PRDM16: variants seen among roughly 807,000 people sequenced by gnomAD.
PRDM16 encodes histone-lysine N-methyltransferase PRDM16.
A neutral mutation model predicts 110.6 loss-of-function variants in PRDM16; 23 were observed. That is an observed-to-expected ratio of 0.21 (90% confidence interval 0.15 to 0.29). The LOEUF is 0.29. Among genes scored for constraint, PRDM16 ranks in the 10% least tolerant of loss-of-function variants. The pLI is 1.00. For missense variants in PRDM16, 1,615 were observed against 1,794.3 expected, an observed-to-expected ratio of 0.90 and a Z score of 1.81; for synonymous variants, 799 against 781.8, an observed-to-expected ratio of 1.02 and a Z score of -0.37.
At chr1:3,299,886 G>T (rs1264808180) in intron 3 of PRDM16, among the ~76,000 whole-genome samples, 7 of 61,904 alleles carry the variant, frequency 1.1e-4, no homozygotes, top group Non-Finnish European at 1.4e-4. Context: ...ACTCTGCCCT[G>T]GTTGAAGATG....
intron 2 of PRDM16, among the ~76,000 whole-genome samples, chr1:3,204,198 G>C (rs574544194): frequency 6.6e-6 from 1 of 152,348 alleles, no homozygotes; most frequent in South Asian, 2.1e-4. Context: ...ATAAACATCA[G>C]AGCAGACTTG....
chr1:3,118,346 A>G (rs1643016288), intron 1 of PRDM16, among the ~76,000 whole-genome samples: 1 of 152,198 alleles, frequency 6.6e-6, no homozygotes, highest in African/African-American at 2.4e-5. Context: ...CCTGGATGGC[A>G]ATTCACACTC....
At chr1:3,211,766 A>G (rs900297521) in intron 2 of PRDM16, among the ~76,000 whole-genome samples, 3 of 152,218 alleles carry the variant, frequency 2.0e-5, no homozygotes, top group African/African-American at 7.2e-5. Flanking sequence ...GGAACAGCAC[A>G]CGGTGGCCCA....
At chr1:3,352,707 C>A (rs2100541444) in intron 3 of PRDM16, among the ~76,000 whole-genome samples, 1 of 152,338 alleles carries the variant, frequency 6.6e-6, no homozygotes, top group South Asian at 2.1e-4. Context: ...CCTAAATACA[C>A]CCACCCAGTA....
At chr1:3,232,092 C>T (rs571540271) in intron 2 of PRDM16, among the ~76,000 whole-genome samples, 1 of 152,390 alleles carries the variant, frequency 6.6e-6, no homozygotes, top group African/African-American at 2.4e-5. Context: ...GCGACCGACA[C>T]CCAGGAGCTC....
At chr1:3,173,141 T>C (rs1644044942) in intron 1 of PRDM16, among the ~76,000 whole-genome samples, 1 of 152,162 alleles carries the variant, frequency 6.6e-6, no homozygotes, top group Admixed American at 6.5e-5. Context: ...GAGCCTCGGC[T>C]GTGATTCAGG....
intron 1 of PRDM16, among the ~76,000 whole-genome samples, chr1:3,140,314 A>G (rs892229355): frequency 6.6e-6 from 1 of 152,012 alleles, no homozygotes; most frequent in Admixed American, 6.5e-5. Context: ...TGATTTAATT[A>G]CTCTGCACTG....
At chr1:3,231,931 G>A (rs1337911078) in intron 2 of PRDM16, among the ~76,000 whole-genome samples, 1 of 152,246 alleles carries the variant, frequency 6.6e-6, no homozygotes, top group Non-Finnish European at 1.5e-5. Context: ...AGACTCCAGA[G>A]GTGGCCAGTT....
At chr1:3,279,927 T>C (rs376782600) in intron 3 of PRDM16, among the ~76,000 whole-genome samples, 10 of 138,684 alleles carry the variant, frequency 7.2e-5, no homozygotes, top group African/African-American at 2.2e-4. Context: ...CCCCATGACG[T>C]CAGCCGAGAA....
chr1:3,087,498 G>A lies in PRDM16; in HGVS notation c.37+18202G>A, dbSNP rs566314798. On this transcript the variant is annotated intron_variant, in intron 1 of 16. Transcript: ENST00000270722. ...GTTAGGGTCCTTCCTTGTCTGTGGC[G>A]GGCTACTCAGCCCCAAAAGAGGAAA... 4.1e-4 allele frequency among the ~76,000 whole-genome samples: 63 copies of A among 152,274 alleles called. No homozygotes were observed. The South Asian group carries it at 6.2e-3, about 15-fold the overall frequency.
intron 3 of PRDM16, among the ~76,000 whole-genome samples, chr1:3,274,075 T>A (rs1355904050): frequency 6.6e-6 from 1 of 150,994 alleles, no homozygotes; most frequent in African/African-American, 2.4e-5. Flanking sequence ...ATTGAGTACA[T>A]TAAATAGAAA....
At chr1:3,177,716 G>A (rs774691874) in intron 1 of PRDM16, among the ~76,000 whole-genome samples, 1 of 152,250 alleles carries the variant, frequency 6.6e-6, no homozygotes, top group Non-Finnish European at 1.5e-5. Flanking sequence ...CAGCTGTGTG[G>A]TCAACCAGGG....
At chr1:3,169,380 C>G (rs547757519) in intron 1 of PRDM16, among the ~76,000 whole-genome samples, 1 of 152,120 alleles carries the variant, frequency 6.6e-6, no homozygotes, top group Admixed American at 6.5e-5. Context: ...ATGGGAGCCC[C>G]GTCCCTAGCG....
intron 1 of PRDM16, among the ~76,000 whole-genome samples, chr1:3,181,029 C>CAA (rs879493828): frequency 0.03 from 4,151 of 139,420 alleles, 94 homozygotes; most frequent in Admixed American, 0.046. Flanking sequence ...TGCGGTCTTA[C>CAA]ACGCGGTCTT....
chr1:3,348,964 C>T (rs530233644), intron 3 of PRDM16, among the ~76,000 whole-genome samples: 9 of 151,974 alleles, frequency 5.9e-5, no homozygotes, highest in South Asian at 4.2e-4. Flanking sequence ...AAGGGTCCAC[C>T]GGGGCAGCGC....
chr1:3,399,564 C>T (rs540822014), intron 5 of PRDM16, among the ~76,000 whole-genome samples: 63 of 152,248 alleles, frequency 4.1e-4, no homozygotes, highest in Non-Finnish European at 8.1e-4. Flanking sequence ...CAGCTCCATC[C>T]GTGGAGGGCT....
intron 1 of PRDM16, among the ~76,000 whole-genome samples, chr1:3,099,178 C>T (rs1049792102): frequency 2.0e-5 from 3 of 152,218 alleles, no homozygotes; most frequent in Admixed American, 1.3e-4. Context: ...GGGTGCTGGA[C>T]CCAGGTTGAG....
In PRDM16 at chr1:3,425,776, C is replaced by T. The variant is rs1638586418; in HGVS notation, c.3109+26C>T. On this transcript the variant is annotated intron_variant, in intron 13 of 16. Coordinates refer to ENST00000270722, the MANE Select transcript of PRDM16 (RefSeq NM_022114.4). This position sits in a 1 kb window ranked among gnomAD's most constrained non-coding sequence, Gnocchi z 6.9. ...GTGGGCCACGCGGGGTGGGGCAGCC[C>T]CCAGAGCACCCACACGGGCAGGCCC... 1.2e-6 allele frequency: 2 copies of T among 1,611,804 alleles called. No individual in the cohort carries two copies. Among genetic ancestry groups the T allele is most frequent in the Non-Finnish European group, 1.7e-6 (2 of 1,179,180 alleles).
chr1:3,380,133 T>C (rs1235835951), intron 3 of PRDM16, among the ~76,000 whole-genome samples: 2 of 148,802 alleles, frequency 1.3e-5, no homozygotes, highest in Admixed American at 6.7e-5. Flanking sequence ...TCTCCTAACA[T>C]GCCCCTCCCG....
Sources: allele counts gnomAD v4.1 joint callset (sites outside exome capture counted in the v4.1 genomes callset), GRCh38; gene constraint gnomAD v4.1.1; non-coding constraint Gnocchi (gnomAD v3.1); transcripts MANE v1.5; gene names NCBI Gene and HGNC (gene_info 2026-07-23, HGNC 2026-07-21).